Variants in ZNF546 observed in about 807,000 individuals in gnomAD.
ZNF546 encodes zinc finger protein 546.
A neutral mutation model predicts 76.2 loss-of-function variants in ZNF546; 60 were observed. The ratio of observed to expected loss-of-function variants is 0.79; its 90% CI spans 0.64 to 0.98. ZNF546 has a LOEUF of 0.98. Among genes scored for constraint, ZNF546 ranks in the 50% least tolerant of loss-of-function variants. The pLI is 0.00. For synonymous variants in ZNF546, 277 were observed against 328.1 expected, an observed-to-expected ratio of 0.84 and a Z score of 1.68; for missense variants, 936 against 1,035.6, an observed-to-expected ratio of 0.90 and a Z score of 1.32.
intron 6 of ZNF546, among the ~76,000 whole-genome samples, chr19:40,013,064 C>T (rs1971692271): frequency 6.6e-6 from 1 of 152,174 alleles, no homozygotes. Flanking sequence ...CCACCTGCCT[C>T]AGCCTCCCAA....
Position 39,998,371 on chromosome 19 carries a change from C to T in ZNF546, c.45C>T (p.Leu15=), listed in dbSNP as rs1311787415. Residue 15 remains leucine, a synonymous_variant, in exon 3 of 7, where the codon CTC becomes CTT. Transcript: ENST00000347077. ...TTCACGGGCCTCCAAATGACTTTCT[C>T]ATTTTTCAAATCATTCCTCTGCACT... The part of the protein sequence containing the change: ...PPLHGPPNDF[L]IFQIIPLHSL... The T allele has an allele frequency of 5.0e-6, 8 of 1,614,080 alleles. No homozygotes were observed. The East Asian group carries it at 1.1e-4, about 22-fold the overall frequency.
At chr19:40,006,253 T>C (rs1312438540) in intron 4 of ZNF546, 71 bp downstream of exon 4, 11 of 1,378,984 alleles carry the variant, frequency 8.0e-6, no homozygotes, top group Non-Finnish European at 1.0e-5. Context: ...TCTCGTTATC[T>C]TGAGACTTCC....
intron 3 of ZNF546, among the ~76,000 whole-genome samples, chr19:40,001,775 A>T (rs1338505518): frequency 2.0e-5 from 3 of 152,268 alleles, no homozygotes; most frequent in African/African-American, 7.2e-5. Context: ...CATTATTAAA[A>T]AATGGGCATG....
chr19:40,004,100 AAT>A lies in ZNF546; in HGVS notation c.85-1989_85-1988del, dbSNP rs1352849750. Among the ~76,000 whole-genome samples, 10 of 142,136 alleles carry A rather than the reference AAT, an allele frequency of 7.0e-5. No individual in the cohort carries two copies. The East Asian group carries it at 1.8e-3, about 25-fold the overall frequency. 93.2% of individuals were successfully genotyped at this position (142,136 alleles called of 152,430 possible). ...ATATATATAACTATATTAATATATA[AAT>A]ATATATTATATATATAACTATATTA... On this transcript the variant is annotated intron_variant, in intron 3 of 6. Transcript: ENST00000347077.
At chr19:40,005,058 G>A (rs1235966718) in intron 3 of ZNF546, among the ~76,000 whole-genome samples, 2 of 116,300 alleles carry the variant, frequency 1.7e-5, no homozygotes, top group Non-Finnish European at 3.3e-5. Context: ...TTGCTCTGTC[G>A]CCCAGGTTGG....
chr19:40,004,644 A>G (rs1366965875), intron 3 of ZNF546, among the ~76,000 whole-genome samples: 1 of 152,206 alleles, frequency 6.6e-6, no homozygotes, highest in Non-Finnish European at 1.5e-5. Context: ...CAGTGCTGAC[A>G]TATAGATATA....
rs997481563 is a variant in ZNF546, at chr19:40,014,537, A to G, written c.1267A>G (p.Ser423Gly). The stretch of plus-strand genomic sequence containing the variant: ...ATGTAAAGAATGTGGTAAGTCCTTT[A>G]GTTTTCATGCAGAACTTGCTCGACA... ...YECKECGKSFSFHAELARHRR... is the reference protein window; with the variant it reads ...YECKECGKSFGFHAELARHRR... The change falls in exon 7 of 7, where the codon AGT (serine) becomes GGT (glycine). Residue 423 changes from serine to glycine, a missense_variant. Physicochemically the swap from Ser to Gly is moderately conservative, Grantham distance 56. Transcript: ENST00000347077. 2 of 1,614,130 alleles carry G rather than the reference A, an allele frequency of 1.2e-6. No homozygotes were observed.
At position 40,014,465 on chromosome 19, in the gene ZNF546, T is replaced by C. The variant is rs948129386; in HGVS notation, c.1195T>C (p.Tyr399His). 1.9e-6 allele frequency: 3 copies of C among 1,612,954 alleles called. No homozygotes were observed. The highest frequency in any genetic ancestry group is 2.5e-6 in the Non-Finnish European group (3 of 1,179,596). ...TGGGAAGGCCTTTAGTCATGGCTCATACCTTGTTCAACATCAGAAAATTCA... is the reference window on the plus strand; with the variant it reads ...TGGGAAGGCCTTTAGTCATGGCTCACACCTTGTTCAACATCAGAAAATTCA... ...ECGKAFSHGSYLVQHQKIHTG... is the reference protein window; with the variant it reads ...ECGKAFSHGSHLVQHQKIHTG... Residue 399 changes from tyrosine to histidine, a missense_variant, in exon 7 of 7, where the codon TAC (tyrosine) becomes CAC (histidine). Transcript: ENST00000347077.
Position 40,015,388 on chromosome 19 carries a change from T to C in ZNF546, c.2118T>C (p.Tyr706=), listed in dbSNP as rs1971748971. Residue 706 remains tyrosine (Y), a synonymous_variant, in exon 7 of 7, where the codon TAT becomes TAC. Transcript: ENST00000347077. ...GTGGGAATGCTTTTATTTGCAGTTA[T>C]CGACTTACATTACATCAAAGAATTC... is the stretch of plus-strand genomic sequence containing the variant. ...NECGNAFICS[Y]RLTLHQRIHT... 1.2e-6 allele frequency: 2 copies of C among 1,614,098 alleles called. No individual in the cohort carries two copies. Among genetic ancestry groups the C allele is most frequent in the Middle Eastern group, 1.6e-4 (1 of 6,084 alleles).
At chr19:40,001,424 T>G (rs1236469665) in intron 3 of ZNF546, among the ~76,000 whole-genome samples, 1 of 151,810 alleles carries the variant, frequency 6.6e-6, no homozygotes, top group Non-Finnish European at 1.5e-5. Context: ...GTGCTGTGGC[T>G]CAATCTCAGC....
In ZNF546 at chr19:40,020,913, T is replaced by C. The variant is rs747104259; in HGVS notation, c.*5132T>C. ...TTTAGTTTTTATATACTCACTACTA[T>C]ACTAATGAGGATGGCTCAATTTTTT... On this transcript the variant is annotated 3_prime_UTR_variant, in exon 7 of 7. Coordinates refer to ENST00000347077, the MANE Select transcript of ZNF546 (RefSeq NM_178544.5). 12 of 152,196 alleles carry C rather than the reference T, an allele frequency of 7.9e-5. No homozygotes were observed. The highest frequency in any genetic ancestry group is 3.3e-4 in the Admixed American group (5 of 15,286). 9.4% of individuals were successfully genotyped at this position (152,196 alleles called of 1,614,324 possible). A position where few individuals can be genotyped will look rare whatever the true frequency, so the allele number is the denominator to read the frequency against.
At chr19:40,002,739 G>A (rs1269976217) in intron 3 of ZNF546, among the ~76,000 whole-genome samples, 2 of 146,630 alleles carry the variant, frequency 1.4e-5, no homozygotes, top group Non-Finnish European at 3.0e-5. Context: ...TCACTCTGTC[G>A]CCCAGGCTGG....
intron 3 of ZNF546, among the ~76,000 whole-genome samples, chr19:40,000,195 T>A (rs1759538797): frequency 6.6e-6 from 1 of 152,172 alleles, no homozygotes; most frequent in Admixed American, 6.5e-5. Context: ...AGTAAGATAG[T>A]TCTTCAGGAT....
At chr19:40,004,072 A>T (rs1040878474) in intron 3 of ZNF546, among the ~76,000 whole-genome samples, 3 of 129,528 alleles carry the variant, frequency 2.3e-5, no homozygotes, top group African/African-American at 1.2e-4. Context: ...ATAATATATA[A>T]ATATATATAT....
Position 40,013,890 on chromosome 19 carries a change from A to G in ZNF546, c.620A>G (p.His207Arg), listed in dbSNP as rs368991409. ...CAAAAACAAATATCTCATCCTCTACATCCAAAAATTCATGCTAGAGAGAAA... is the reference window on the plus strand; with the variant it reads ...CAAAAACAAATATCTCATCCTCTACGTCCAAAAATTCATGCTAGAGAGAAA... ...LIQKQISHPL[H>R]PKIHAREKSY... is the part of the protein sequence containing the mutation. The change falls in exon 7 of 7, where the codon CAT becomes CGT. Residue 207 changes from histidine to arginine, a missense_variant. By Grantham distance (29) the His-to-Arg change is conservative. Transcript: ENST00000347077. The G allele has an allele frequency of 6.2e-7, 1 of 1,607,392 alleles. No homozygotes were observed. Among genetic ancestry groups the G allele is most frequent in the African/African-American group, 1.3e-5 (1 of 74,552 alleles).
At position 40,015,229 on chromosome 19, in the gene ZNF546, G is replaced by A. The variant is rs764268504; in HGVS notation, c.1959G>A (p.Thr653=). 8.5e-5 allele frequency: 137 copies of A among 1,610,096 alleles called. No individual in the cohort carries two copies. Among genetic ancestry groups the A allele is most frequent in the Admixed American group, 2.0e-4 (12 of 59,624 alleles). ...CCTTTATTCGTAGCACTCATCTCAC[G>A]CAACATCACAGAATTCATACTGGTG... ...GKAFIRSTHL[T]QHHRIHTGEK... is the part of the protein sequence containing the mutation. Residue 653 remains threonine (T), a synonymous_variant, in exon 7 of 7, where the codon ACG becomes ACA. Coordinates refer to ENST00000347077, the MANE Select transcript of ZNF546 (RefSeq NM_178544.5).
chr19:40,014,415 T>A lies in ZNF546; in HGVS notation c.1145T>A (p.Val382Asp). 2 of 1,611,882 alleles carry A rather than the reference T, an allele frequency of 1.2e-6. No individual in the cohort carries two copies. The highest frequency in any genetic ancestry group is 1.7e-6 in the Non-Finnish European group (2 of 1,179,368). ...CAACATCAGAAAATTCATACTGGTG[T>A]CAAACCCTATAAATGTAATGAATGT... The part of the protein sequence containing the change: ...ISQHQKIHTG[V>D]KPYKCNECGK... Residue 382 changes from valine (V) to aspartate (D), a missense_variant, in exon 7 of 7, where the codon GTC (valine) becomes GAC (aspartate). Physicochemically the swap from Val to Asp is radical, Grantham distance 152. Transcript: ENST00000347077.
intron 4 of ZNF546, 70 bp from the exon 5 acceptor site, chr19:40,007,204 T>G: frequency 7.7e-7 from 1 of 1,303,154 alleles, no homozygotes; most frequent in Non-Finnish European, 1.0e-6. Context: ...GTTGCTTCTT[T>G]CCTGCAAAGC....
rs765931785 is a variant in ZNF546 at position 40,015,945 on chromosome 19, A to C, written c.*164A>C. 1 of 667,160 alleles carries C rather than the reference A, an allele frequency of 1.5e-6. No individual in the cohort carries two copies. The highest frequency in any genetic ancestry group is 1.8e-5 in the African/African-American group (1 of 55,164). The allele number at this position is 667,160 out of a possible 1,614,324, so 41.3% of individuals were successfully genotyped here. On this transcript the variant is annotated 3_prime_UTR_variant, in exon 7 of 7. Coordinates refer to ENST00000347077, the MANE Select transcript of ZNF546 (RefSeq NM_178544.5). Reference sequence around the variant, plus strand: ...GAGTCGAAAGACTATAGCATCACTCAGTCCCTGTTAGACTTTAGAAGATTG... The same window carrying C: ...GAGTCGAAAGACTATAGCATCACTCCGTCCCTGTTAGACTTTAGAAGATTG...
Sources: allele counts gnomAD v4.1 joint callset (sites outside exome capture counted in the v4.1 genomes callset), GRCh38; gene constraint gnomAD v4.1.1; transcripts MANE v1.5; gene names NCBI Gene and HGNC (gene_info 2026-07-23, HGNC 2026-07-21).